Variants in RFX3 observed in about 807,000 individuals in gnomAD.
RFX3 encodes the protein regulatory factor X3.
RFX3 carries 14 observed loss-of-function variants against 98.6 expected under a neutral mutation model. The observed-to-expected ratio is 0.14, with a 90% confidence interval of 0.09 to 0.22. The LOEUF is 0.22. Among genes scored for constraint, RFX3 ranks in the 10% least tolerant of loss-of-function variants. The pLI is 1.00. For synonymous variants in RFX3, 383 were observed against 328.4 expected (o/e 1.17, Z -1.80); for missense variants, 639 against 926.9 (o/e 0.69, Z 4.03).
At chr9:3,429,186 C>A (rs1462251475) in intron 1 of RFX3, among the ~76,000 whole-genome samples, 2 of 150,724 alleles carry the variant, frequency 1.3e-5, no homozygotes, top group South Asian at 4.1e-4. Flanking sequence ...ACACGTCCGG[C>A]TAATTTTTTG....
At chr9:3,443,354 A>C (rs1845763973) in intron 1 of RFX3, among the ~76,000 whole-genome samples, 2 of 152,040 alleles carry the variant, frequency 1.3e-5, no homozygotes, top group South Asian at 2.1e-4. Context: ...CCTGCCTCCT[A>C]CCACCAACCC....
At chr9:3,315,952 AGGAGCT>A (rs1830532650) in intron 4 of RFX3, among the ~76,000 whole-genome samples, 1 of 152,212 alleles carries the variant, frequency 6.6e-6, no homozygotes, top group Admixed American at 6.5e-5. Context: ...AGGTACAAAG[AGGAGCT>A]GGTACCATTC....
chr9:3,415,229 A>G (rs994740227), intron 1 of RFX3, among the ~76,000 whole-genome samples: 59 of 146,456 alleles, frequency 4.0e-4, no homozygotes, highest in African/African-American at 1.4e-3. Flanking sequence ...ATATATATAT[A>G]TAAGAGTTGG....
chr9:3,375,107 T>G (rs1838311507), intron 2 of RFX3, among the ~76,000 whole-genome samples: 1 of 152,198 alleles, frequency 6.6e-6, no homozygotes, highest in Non-Finnish European at 1.5e-5. Flanking sequence ...TTACTCAAGC[T>G]CTCTACAGAG....
chr9:3,435,088 A>G (rs1474718216), intron 1 of RFX3, among the ~76,000 whole-genome samples: 1 of 151,994 alleles, frequency 6.6e-6, no homozygotes, highest in Non-Finnish European at 1.5e-5. Context: ...AATGGAACCT[A>G]TAGGACTAGA....
At chr9:3,427,311 C>CATA (rs201810796) in intron 1 of RFX3, among the ~76,000 whole-genome samples, 1 of 137,428 alleles carries the variant, frequency 7.3e-6, no homozygotes, top group Admixed American at 7.5e-5. Flanking sequence ...TATTGTATTA[C>CATA]ATAATAATAC....
intron 13 of RFX3, among the ~76,000 whole-genome samples, chr9:3,257,941 T>C (rs1023022899): frequency 3.9e-5 from 6 of 152,162 alleles, no homozygotes; most frequent in Admixed American, 1.3e-4. Flanking sequence ...GCAATGAAAA[T>C]AGGAACTTTT....
chr9:3,458,314 C>T (rs1490370437), intron 1 of RFX3, among the ~76,000 whole-genome samples: 1 of 152,118 alleles, frequency 6.6e-6, no homozygotes, highest in Non-Finnish European at 1.5e-5. Flanking sequence ...AGATGTATGC[C>T]ATTGATATAG....
intron 12 of RFX3, among the ~76,000 whole-genome samples, chr9:3,265,296 T>A (rs1489634970): frequency 6.6e-6 from 1 of 152,190 alleles, no homozygotes; most frequent in African/African-American, 2.4e-5. Context: ...AGGAACAATC[T>A]AATATGGGCA....
At chr9:3,346,944 G>A (rs1488367456) in intron 2 of RFX3, among the ~76,000 whole-genome samples, 180 bp from the exon 3 acceptor site, 1 of 152,206 alleles carries the variant, frequency 6.6e-6, no homozygotes, top group Non-Finnish European at 1.5e-5. Context: ...CAGAGCAACT[G>A]CAACATTTAT....
intron 1 of RFX3, among the ~76,000 whole-genome samples, chr9:3,444,945 A>G (rs1374825361): frequency 6.6e-6 from 1 of 152,216 alleles, no homozygotes; most frequent in Non-Finnish European, 1.5e-5. Context: ...AGAAATTCCT[A>G]TGTGGGATAG....
chr9:3,269,499 T>G (rs1379570986), intron 11 of RFX3, among the ~76,000 whole-genome samples: 1 of 152,148 alleles, frequency 6.6e-6, no homozygotes, highest in African/African-American at 2.4e-5. Context: ...GTAGTAACTG[T>G]CTCATTTCTT....
At chr9:3,504,323 A>T (rs1011392516) in intron 1 of RFX3, among the ~76,000 whole-genome samples, 2 of 117,588 alleles carry the variant, frequency 1.7e-5, no homozygotes, top group African/African-American at 3.8e-5. Context: ...TATATTATAT[A>T]TAAAATATAT....
chr9:3,470,329 T>C (rs1353909776), intron 1 of RFX3, among the ~76,000 whole-genome samples: 3 of 151,116 alleles, frequency 2.0e-5, no homozygotes, highest in Non-Finnish European at 4.4e-5. Flanking sequence ...TTTTTTTTTT[T>C]TTTGAGACGG....
At chr9:3,427,499 A>C (rs1307219056) in intron 1 of RFX3, among the ~76,000 whole-genome samples, 2 of 145,426 alleles carry the variant, frequency 1.4e-5, no homozygotes, top group African/African-American at 5.1e-5. Flanking sequence ...ACAATATATA[A>C]ATATATATTG....
intron 1 of RFX3, among the ~76,000 whole-genome samples, chr9:3,500,833 A>C (rs1815922620): frequency 6.6e-6 from 1 of 152,190 alleles, no homozygotes; most frequent in Non-Finnish European, 1.5e-5. Flanking sequence ...CAGTTATTTA[A>C]TACTTAGTCA....
At chr9:3,341,006 A>G (rs1034992895) in intron 3 of RFX3, among the ~76,000 whole-genome samples, 2 of 152,216 alleles carry the variant, frequency 1.3e-5, no homozygotes, top group African/African-American at 4.8e-5. Context: ...AACCAACCCA[A>G]TTGTCCAACA....
intron 4 of RFX3, among the ~76,000 whole-genome samples, chr9:3,323,448 G>C (rs919003127): frequency 1.4e-4 from 21 of 152,072 alleles, no homozygotes; most frequent in African/African-American, 4.8e-4. Context: ...TTAAGTTGGT[G>C]GAGTTTTTTT....
intron 16 of RFX3, among the ~76,000 whole-genome samples, chr9:3,225,540 A>T (rs1372618921): frequency 1.6e-5 from 2 of 128,720 alleles, no homozygotes; most frequent in Admixed American, 7.8e-5. Flanking sequence ...AACTTTTTTA[A>T]AAAAAAAGGC....
Sources: gnomAD v4.1 joint callset for allele counts (sites outside exome capture counted in the v4.1 genomes callset) on GRCh38, gnomAD v4.1.1 for gene constraint, MANE v1.5 for transcripts, NCBI Gene and HGNC (gene_info 2026-07-23, HGNC 2026-07-21) for gene names.